Variants in ABCG2 observed in about 807,000 individuals in gnomAD.
The protein encoded by ABCG2 is broad substrate specificity ATP-binding cassette transporter ABCG2.
ABCG2 carries 80 observed loss-of-function variants against 73.5 expected under a neutral mutation model. The ratio of observed to expected loss-of-function variants is 1.09; its 90% CI spans 0.91 to 1.31. The LOEUF (loss-of-function observed/expected upper bound fraction) is 1.31, where lower values mean the gene tolerates loss of function less well. Among genes scored for constraint, ABCG2 ranks in the 50% most tolerant of loss-of-function variants. ABCG2 has a pLI of 0.00. For missense variants in ABCG2, 796 were observed against 786.2 expected (o/e 1.01, Z -0.15); for synonymous variants, 269 against 282.4 (o/e 0.95, Z 0.48).
intron 1 of ABCG2, among the ~76,000 whole-genome samples, chr4:88,186,747 G>A (rs1211577294): frequency 1.3e-5 from 2 of 150,946 alleles, no homozygotes; most frequent in Admixed American, 6.6e-5. Context: ...GTGAAACCCC[G>A]TCTCTACTAA....
chr4:88,098,645 G>GAGATAGATAGATAGAT (rs55760486), intron 12 of ABCG2, among the ~76,000 whole-genome samples: 6,240 of 143,830 alleles, frequency 0.043, 175 homozygotes, highest in East Asian at 0.06. Flanking sequence ...GAGACAGGGA[G>GAGATAGATAGATAGAT]AGATAGATAG....
intron 1 of ABCG2, among the ~76,000 whole-genome samples, chr4:88,219,516 A>G (rs1250437890): frequency 6.6e-6 from 1 of 150,414 alleles, no homozygotes; most frequent in Non-Finnish European, 1.5e-5. Context: ...CTGAGGGTAG[A>G]GTTGTTTTAT....
At chr4:88,114,679 A>G (rs1303498555) in intron 8 of ABCG2, among the ~76,000 whole-genome samples, 1 of 152,114 alleles carries the variant, frequency 6.6e-6, no homozygotes, top group Non-Finnish European at 1.5e-5. Flanking sequence ...GCAAATGCAT[A>G]TATTGCCAAG....
chr4:88,095,164 G>T (rs1721904435), intron 14 of ABCG2, among the ~76,000 whole-genome samples: 1 of 152,164 alleles, frequency 6.6e-6, no homozygotes, highest in African/African-American at 2.4e-5. Context: ...TATGGTCTTT[G>T]CTCTTCTAAT....
At chr4:88,211,122 A>G (rs1257462582) in intron 1 of ABCG2, among the ~76,000 whole-genome samples, 1 of 151,752 alleles carries the variant, frequency 6.6e-6, no homozygotes, top group Non-Finnish European at 1.5e-5. Flanking sequence ...ATATATATAT[A>G]TATGTAAAAG....
At chr4:88,224,362 G>C (rs541859015) in intron 1 of ABCG2, among the ~76,000 whole-genome samples, 1 of 152,258 alleles carries the variant, frequency 6.6e-6, no homozygotes, top group African/African-American at 2.4e-5. Context: ...CACCTGAGCT[G>C]GGGAAGTTGA....
At chr4:88,221,508 C>T (rs543052287) in intron 1 of ABCG2, among the ~76,000 whole-genome samples, 5 of 152,208 alleles carry the variant, frequency 3.3e-5, no homozygotes, top group Admixed American at 6.5e-5. Context: ...GAGATTTGGA[C>T]GGCTTAGAAG....
chr4:88,155,595 A>G (rs1726881088), intron 1 of ABCG2, among the ~76,000 whole-genome samples: 1 of 152,186 alleles, frequency 6.6e-6, no homozygotes, highest in Non-Finnish European at 1.5e-5. Context: ...ACTTTTTATT[A>G]TACATAAAAA....
In ABCG2 at chr4:88,131,896, T is replaced by C. The variant is rs1259975203; in HGVS notation, c.285A>G (p.Ala95=). 3.1e-6 allele frequency: 5 copies of C among 1,613,810 alleles called. No individual in the cohort carries two copies. Among genetic ancestry groups the C allele is most frequent in the Non-Finnish European group, 4.2e-6 (5 of 1,179,890 alleles). ...GKSSLLDVLA[A]RKDPSGLSGD... ...CAGATAATCCACTTGGATCTTTCCT[T>C]GCAGCTAAGACATCTAATAACCTAT... The change falls in exon 4 of 16, where the codon GCA becomes GCG. Residue 95 remains alanine (A), a synonymous_variant. Transcript: ENST00000237612.
chr4:88,186,861 G>A (rs1728479495), intron 1 of ABCG2, among the ~76,000 whole-genome samples: 1 of 143,178 alleles, frequency 7.0e-6, no homozygotes, highest in South Asian at 2.3e-4. Context: ...AGAGCTTGCA[G>A]TGAGCCGAGA....
At position 88,092,303 on chromosome 4, in the gene ABCG2, C is replaced by G. The variant is rs1721687842; in HGVS notation, c.1899G>C (p.Leu633Phe). The change falls in exon 16 of 16, where the codon TTG (leucine) becomes TTC (phenylalanine). Residue 633 changes from leucine to phenylalanine, a missense_variant. Coordinates refer to ENST00000237612, the MANE Select transcript of ABCG2 (RefSeq NM_004827.3). ...TGAGGAAAATAACAATCATACAAGC[C>G]AAGGCCACGTGATTCTTCCACAAGC... ...PWGLWKNHVA[L>F]ACMIVIFLTI... The G allele has an allele frequency of 6.2e-7, 1 of 1,613,504 alleles. No individual in the cohort carries two copies. Among genetic ancestry groups the G allele is most frequent in the Non-Finnish European group, 8.5e-7 (1 of 1,179,754 alleles).
chr4:88,129,640 G>A (rs1383250511), intron 5 of ABCG2, among the ~76,000 whole-genome samples: 2 of 152,230 alleles, frequency 1.3e-5, no homozygotes, highest in East Asian at 1.9e-4. Context: ...ACAAAATACA[G>A]TAAAACACCC....
chr4:88,214,513 T>C (rs2110126059), intron 1 of ABCG2, among the ~76,000 whole-genome samples: 1 of 152,134 alleles, frequency 6.6e-6, no homozygotes, highest in Non-Finnish European at 1.5e-5. Flanking sequence ...ACTGGAACAA[T>C]ATGCCAGAGA....
At chr4:88,177,451 A>G (rs1453813052) in intron 1 of ABCG2, among the ~76,000 whole-genome samples, 2 of 152,238 alleles carry the variant, frequency 1.3e-5, no homozygotes, top group African/African-American at 4.8e-5. Flanking sequence ...CATAATTGAA[A>G]TATTATAAAC....
At chr4:88,148,998 T>C (rs72554050) in intron 1 of ABCG2, among the ~76,000 whole-genome samples, 27 of 152,306 alleles carry the variant, frequency 1.8e-4, no homozygotes, top group Admixed American at 1.8e-3. Flanking sequence ...GCTACTGTTT[T>C]TTCATTTACA....
chr4:88,175,869 C>A (rs1003269849), intron 1 of ABCG2, among the ~76,000 whole-genome samples: 1 of 152,156 alleles, frequency 6.6e-6, no homozygotes, highest in Non-Finnish European at 1.5e-5. Flanking sequence ...AATTTGTATT[C>A]TTCTATTTTA....
intron 1 of ABCG2, among the ~76,000 whole-genome samples, chr4:88,229,691 C>T (rs576823471): frequency 6.6e-6 from 1 of 152,226 alleles, no homozygotes; most frequent in Admixed American, 6.5e-5. Context: ...TTTCCCATTG[C>T]TTTCTTCTCC....
At chr4:88,196,310 G>C (rs1728940397) in intron 1 of ABCG2, among the ~76,000 whole-genome samples, 2 of 152,068 alleles carry the variant, frequency 1.3e-5, no homozygotes. Context: ...GATTTTGTGA[G>C]GATTAAGTGC....
chr4:88,214,394 A>G (rs1276542680), intron 1 of ABCG2, among the ~76,000 whole-genome samples: 2 of 151,980 alleles, frequency 1.3e-5, no homozygotes, highest in Non-Finnish European at 2.9e-5. Flanking sequence ...CACTTCTCCA[A>G]TCCCTCCCCC....
Sources: gnomAD v4.1 joint callset for allele counts (sites outside exome capture counted in the v4.1 genomes callset) on GRCh38, gnomAD v4.1.1 for gene constraint, MANE v1.5 for transcripts, NCBI Gene and HGNC (gene_info 2026-07-23, HGNC 2026-07-21) for gene names.